The following MIER3 variants were observed in gnomAD, a reference collection of about 807,000 sequenced individuals.
The protein encoded by MIER3 is mesoderm induction early response protein 3.
In MIER3, 9 loss-of-function variants were observed where a neutral mutation model predicts 63.2. The observed-to-expected ratio is 0.14, with a 90% CI of 0.09 to 0.25. The LOEUF (loss-of-function observed/expected upper bound fraction) is 0.25. MIER3 is among the 10% of genes least tolerant of loss of function. The probability of loss-of-function intolerance (pLI) is 1.00; values close to 1 mark genes in which losing one functional copy is unlikely to be tolerated. For missense variants in MIER3, 512 were observed against 666.2 expected (o/e 0.77, Z 2.55); for synonymous variants, 205 against 224.9 (o/e 0.91, Z 0.79).
chr5:56,923,788 C>A lies in MIER3; in HGVS notation c.1098G>T (p.Gly366=), dbSNP rs371920057. ...RLVDETEALG[G]TVNASALTSN... ...AAGTTAAGGCTGAAGCATTTACCGT[C>A]CCACCCAAAGCTTCTGTTTCATCTA... is the stretch of plus-strand genomic sequence containing the variant. Residue 366 remains glycine, a synonymous_variant, in exon 12 of 13, where the codon GGG becomes GGT. Coordinates refer to ENST00000381199, the MANE Select transcript of MIER3 (RefSeq NM_001297599.2). 8 of 1,614,066 alleles carry A rather than the reference C, an allele frequency of 5.0e-6. No homozygotes were observed. The African/African-American group carries it at 5.3e-5, about 11-fold the overall frequency.
intron 4 of MIER3, chr5:56,938,474 C>A: frequency 2.3e-6 from 1 of 430,386 alleles, no homozygotes; most frequent in South Asian, 1.7e-5. Flanking sequence ...CTGCTGCGGC[C>A]GCTGTCACTC....
rs1397505333 is a variant in MIER3, at chr5:56,919,720, C to A, written c.*3408G>T. The A allele has an allele frequency of 6.6e-6, 1 of 152,562 alleles. No individual in the cohort carries two copies. Among genetic ancestry groups the A allele is most frequent in the Non-Finnish European group, 1.5e-5 (1 of 68,010 alleles). The allele number at this position is 152,562 out of a possible 1,614,324, so 9.5% of individuals were successfully genotyped here. A position where few individuals can be genotyped will look rare whatever the true frequency, so the allele number is the denominator to read the frequency against. ...ACAAATATTAAAATCAATGCAATAG[C>A]AACTTCCTCTTGAACATCTGATACT... On this transcript the variant is annotated 3_prime_UTR_variant, in exon 13 of 13. Transcript: ENST00000381199.
chr5:56,924,738 C>A (rs1442605494), intron 10 of MIER3, among the ~76,000 whole-genome samples: 1 of 152,202 alleles, frequency 6.6e-6, no homozygotes, highest in Admixed American at 6.5e-5. Context: ...TAACCACATA[C>A]AGCCACAGAT....
rs1750495135 is a variant in MIER3 at position 56,937,636 on chromosome 5, A to C, written c.378T>G (p.Asp126Glu). The change falls in exon 5 of 13, where the codon GAT becomes GAG. Residue 126 changes from aspartate (D) to glutamate (E), a missense_variant. Coordinates refer to ENST00000381199, the MANE Select transcript of MIER3 (RefSeq NM_001297599.2). ...DDEETQSSAD[D>E]LTPSVTSHET... ...CATGGGAAGTCACAGATGGCGTCAG[A>C]TCATCCGCAGAAGACTGAGTTTCCT... is the stretch of plus-strand genomic sequence containing the variant. 6.2e-7 allele frequency: 1 copy of C among 1,612,322 alleles called. No individual in the cohort carries two copies. The highest frequency in any genetic ancestry group is 1.1e-5 in the South Asian group (1 of 90,724).
rs1749588792 is a variant in MIER3 at position 56,919,930 on chromosome 5, A to G, written c.*3198T>C. ...CTTTTTAAAAAACATAGTAACGTCA[A>G]TATTTTATAAATTATTTCAATTTCC... On this transcript the variant is annotated 3_prime_UTR_variant, in exon 13 of 13. Coordinates refer to ENST00000381199, the MANE Select transcript of MIER3 (RefSeq NM_001297599.2). 1 of 152,554 alleles carries G rather than the reference A, an allele frequency of 6.6e-6. No homozygotes were observed. The highest frequency in any genetic ancestry group is 2.4e-5 in the African/African-American group (1 of 41,458). The allele number at this position is 152,554 out of a possible 1,614,324, so 9.5% of individuals were successfully genotyped here.
intron 3 of MIER3, 100 bp from the exon 4 acceptor site, chr5:56,939,117 ACAG>A: frequency 7.8e-7 from 1 of 1,280,036 alleles, no homozygotes; most frequent in East Asian, 2.5e-5. Flanking sequence ...CATTATCAAA[ACAG>A]CAGAACAAAT....
At chr5:56,925,884 G>A (rs758773809) in intron 10 of MIER3, among the ~76,000 whole-genome samples, 12 of 151,936 alleles carry the variant, frequency 7.9e-5, no homozygotes, top group Non-Finnish European at 8.8e-5. Flanking sequence ...TGGTATTGGG[G>A]GGGTGGGGAA....
At position 56,950,967 on chromosome 5, in the gene MIER3, ACCATCAGTCCC is replaced by A. The variant is rs765733345; in HGVS notation, c.10-326_10-316del. The stretch of plus-strand genomic sequence containing the variant: ...GCAAAACCCAGAGCAGTCGGCTGGC[ACCATCAGTCCC>A]CCATCCCTGGCATCTCCGGAGTCCT... On this transcript the variant is annotated intron_variant, in intron 1 of 12. Coordinates refer to ENST00000381199, the MANE Select transcript of MIER3 (RefSeq NM_001297599.2). 1.0e-3 allele frequency among the ~76,000 whole-genome samples: 157 copies of A among 152,042 alleles called. 3 individuals are homozygous for A. The highest frequency in any genetic ancestry group is 7.1e-4 in the Non-Finnish European group (48 of 67,992).
intron 8 of MIER3, among the ~76,000 whole-genome samples, chr5:56,932,216 C>T (rs1579846327): frequency 6.6e-6 from 1 of 152,082 alleles, no homozygotes; most frequent in African/African-American, 2.4e-5. Flanking sequence ...GCTGACATTG[C>T]GCCACTGCAC....
At chr5:56,932,979 GATTA>G (rs1208908183) in intron 8 of MIER3, among the ~76,000 whole-genome samples, 1 of 152,058 alleles carries the variant, frequency 6.6e-6, no homozygotes, top group Non-Finnish European at 1.5e-5. Flanking sequence ...AGGAGAATAA[GATTA>G]ATTAATTAAA....
At position 56,923,770 on chromosome 5, in the gene MIER3, G is replaced by C. The variant is rs745722969; in HGVS notation, c.1116C>G (p.Ala372=). The C allele has an allele frequency of 5.0e-6, 8 of 1,614,142 alleles. No individual in the cohort carries two copies. Among genetic ancestry groups the C allele is most frequent in the Non-Finnish European group, 6.8e-6 (8 of 1,180,014 alleles). Residue 372 remains alanine, a synonymous_variant, in exon 12 of 13, where the codon GCC becomes GCG. Coordinates refer to ENST00000381199, the MANE Select transcript of MIER3 (RefSeq NM_001297599.2). ...TAGGCTCAGGCCGGTTAGAAGTTAA[G>C]GCTGAAGCATTTACCGTCCCACCCA... ...EALGGTVNAS[A]LTSNRPEPIP...
chr5:56,930,765 A>G lies in MIER3; in HGVS notation c.748-20T>C, dbSNP rs1750236529. On this transcript the variant is annotated intron_variant, in intron 8 of 12. Transcript: ENST00000381199. ...TAATGCCTGGGATGGATATTCAATA[A>G]AAAGTATTAAAAGTTCATACCTAAC... 1 of 1,578,868 alleles carries G rather than the reference A, an allele frequency of 6.3e-7. No homozygotes were observed.
intron 4 of MIER3, among the ~76,000 whole-genome samples, chr5:56,938,131 T>C (rs1419829165): frequency 6.6e-6 from 1 of 152,228 alleles, no homozygotes; most frequent in African/African-American, 2.4e-5. Flanking sequence ...ACTGACATAA[T>C]TTTAAAAGAA....
chr5:56,948,406 G>A (rs1414201341), intron 2 of MIER3, among the ~76,000 whole-genome samples: 1 of 152,180 alleles, frequency 6.6e-6, no homozygotes, highest in African/African-American at 2.4e-5. Flanking sequence ...GCTCATGCCT[G>A]TAATCCCAGC....
rs368065462 is a variant in MIER3, at chr5:56,934,258, G to C, written c.596-860C>G. 3.0e-4 allele frequency among the ~76,000 whole-genome samples: 46 copies of C among 152,236 alleles called. 1 individual carries two copies. The East Asian group carries it at 8.3e-3, about 27-fold the overall frequency. Reference sequence around the variant, plus strand: ...ATTATCATCCCAACTGTAGGAGGCAGGCATTGTCATTGCCAGTTAGAAGGA... The same window carrying C: ...ATTATCATCCCAACTGTAGGAGGCACGCATTGTCATTGCCAGTTAGAAGGA... On this transcript the variant is annotated intron_variant, in intron 7 of 12. Coordinates refer to ENST00000381199, the MANE Select transcript of MIER3 (RefSeq NM_001297599.2).
intron 3 of MIER3, among the ~76,000 whole-genome samples, chr5:56,939,905 A>T (rs993731020): frequency 6.6e-6 from 1 of 152,210 alleles, no homozygotes; most frequent in Non-Finnish European, 1.5e-5. Context: ...GGCTACATTA[A>T]CTACTTTTGT....
intron 10 of MIER3, chr5:56,925,340 G>A (rs1056051760): frequency 2.0e-5 from 9 of 454,762 alleles, no homozygotes; most frequent in African/African-American, 1.4e-4. Flanking sequence ...CAGGTGACAT[G>A]ACTGTCTACG....
At chr5:56,940,650 C>T (rs1252756526) in intron 3 of MIER3, among the ~76,000 whole-genome samples, 3 of 152,188 alleles carry the variant, frequency 2.0e-5, no homozygotes, top group Admixed American at 1.3e-4. Context: ...TCTTTTTTAG[C>T]TTGGGATTTA....
intron 7 of MIER3, 42 bp downstream of exon 7, chr5:56,935,386 C>A (rs1170496454): frequency 7.0e-7 from 1 of 1,436,766 alleles, no homozygotes; most frequent in South Asian, 1.3e-5. Context: ...CAAGTGGTAA[C>A]CTTATCTACC....
Sources: gnomAD v4.1 joint callset for allele counts (sites outside exome capture counted in the v4.1 genomes callset) on GRCh38, gnomAD v4.1.1 for gene constraint, MANE v1.5 for transcripts, NCBI Gene and HGNC (gene_info 2026-07-23, HGNC 2026-07-21) for gene names.